PABPC4L: variants seen among roughly 807,000 people sequenced by gnomAD.
The protein encoded by PABPC4L is poly(A) binding protein cytoplasmic 4 like.
For missense variants in PABPC4L, 452 were observed against 451.4 expected (o/e 1.00, Z -0.01); for synonymous variants, 169 against 164.1 (o/e 1.03, Z -0.23).
the PABPC4L span, among the ~76,000 whole-genome samples, chr4:134,051,723 T>A: frequency 6.6e-6 from 1 of 152,122 alleles, no homozygotes. Flanking sequence ...TTAGATTGAT[T>A]GCCACTATGC....
the PABPC4L span, among the ~76,000 whole-genome samples, chr4:134,171,467 G>T: frequency 6.6e-6 from 1 of 152,010 alleles, no homozygotes; most frequent in Non-Finnish European, 1.5e-5. Flanking sequence ...CTTTTAAATG[G>T]GGCTGTTTTT....
chr4:134,068,955 C>A, the PABPC4L span, among the ~76,000 whole-genome samples: 4 of 152,112 alleles, frequency 2.6e-5, no homozygotes, highest in African/African-American at 4.8e-5. Context: ...GGTGATCCAA[C>A]CACCTGGGAC....
At chr4:134,087,243 T>C in the PABPC4L span, among the ~76,000 whole-genome samples, 2 of 152,012 alleles carry the variant, frequency 1.3e-5, no homozygotes, top group Admixed American at 1.3e-4. Context: ...TGGAATACTA[T>C]GCAGCCATAA....
chr4:134,139,033 T>G, the PABPC4L span, among the ~76,000 whole-genome samples: 3 of 151,890 alleles, frequency 2.0e-5, no homozygotes, highest in Non-Finnish European at 2.9e-5. Context: ...CATTAAATCC[T>G]AAAAAAGTCC....
the PABPC4L span, among the ~76,000 whole-genome samples, chr4:133,975,534 T>A: frequency 6.6e-6 from 1 of 152,138 alleles, no homozygotes; most frequent in Admixed American, 6.6e-5. Context: ...TAAATGACTC[T>A]CTAATTTTTA....
In PABPC4L at chr4:134,201,226, C is replaced by T; in HGVS notation, c.-207G>A. 3 of 1,539,180 alleles carry T rather than the reference C, an allele frequency of 1.9e-6. No individual in the cohort carries two copies. Among genetic ancestry groups the T allele is most frequent in the Non-Finnish European group, 2.6e-6 (3 of 1,140,760 alleles). ...TCCCCACAGCCACCAATCTGGCCCT[C>T]CTAGGACGCGGCAACAGAACTGTGA... is the stretch of plus-strand genomic sequence containing the variant. On this transcript the variant is annotated 5_prime_UTR_variant, in exon 2 of 2. Transcript: ENST00000421491.
the PABPC4L span, among the ~76,000 whole-genome samples, chr4:134,075,869 T>C: frequency 3.3e-5 from 5 of 152,158 alleles, no homozygotes; most frequent in African/African-American, 1.2e-4. Context: ...CATGTATCCA[T>C]TGATTCCAAA....
chr4:133,970,015 T>C, the PABPC4L span, among the ~76,000 whole-genome samples: 1 of 149,318 alleles, frequency 6.7e-6, no homozygotes, highest in Admixed American at 6.7e-5. Flanking sequence ...ACTTTCTTGT[T>C]AAATCAAAGA....
chr4:133,998,558 AC>A, the PABPC4L span, among the ~76,000 whole-genome samples: 9 of 152,096 alleles, frequency 5.9e-5, no homozygotes, highest in South Asian at 2.1e-4. Flanking sequence ...AATATTATAA[AC>A]CCATTACCCT....
At chr4:134,055,325 C>G in the PABPC4L span, among the ~76,000 whole-genome samples, 2 of 151,832 alleles carry the variant, frequency 1.3e-5, no homozygotes, top group African/African-American at 4.8e-5. Flanking sequence ...AGGCCTTGGT[C>G]TGGTAGGACT....
At chr4:134,025,304 TCAA>T in the PABPC4L span, among the ~76,000 whole-genome samples, 1 of 65,188 alleles carries the variant, frequency 1.5e-5, no homozygotes, top group Admixed American at 2.4e-4. Context: ...AGAATTCATC[TCAA>T]AAAAAAAAAA....
At position 134,199,101 on chromosome 4, in the gene PABPC4L, T is replaced by C. The variant is rs183488621; in HGVS notation, c.*806A>G. On this transcript the variant is annotated 3_prime_UTR_variant, in exon 2 of 2. Transcript: ENST00000421491. ...AAATTTAAGATAATATATTAAGCCA[T>C]ATAGGTATGAAGAGATTTAAGACCA... 1.1e-4 allele frequency: 16 copies of C among 152,176 alleles called. No individual in the cohort carries two copies. The highest frequency in any genetic ancestry group is 4.6e-4 in the Admixed American group (7 of 15,294). The allele number at this position is 152,176 out of a possible 1,614,324, so 9.4% of individuals were successfully genotyped here. A position where few individuals can be genotyped will look rare whatever the true frequency, so the allele number is the denominator to read the frequency against.
At chr4:134,099,509 C>A in the PABPC4L span, among the ~76,000 whole-genome samples, 1 of 151,634 alleles carries the variant, frequency 6.6e-6, no homozygotes, top group Non-Finnish European at 1.5e-5. Context: ...TGCTAGAATT[C>A]CAGATGATAC....
At chr4:134,067,413 C>T in the PABPC4L span, among the ~76,000 whole-genome samples, 1 of 151,948 alleles carries the variant, frequency 6.6e-6, no homozygotes, top group Non-Finnish European at 1.5e-5. Flanking sequence ...TTTGGATCTT[C>T]TTTCTTTTTT....
chr4:133,955,134 A>T, the PABPC4L span, among the ~76,000 whole-genome samples: 3 of 152,180 alleles, frequency 2.0e-5, no homozygotes, highest in Non-Finnish European at 4.4e-5. Flanking sequence ...AAAGGGAAAG[A>T]TAAACAGGCT....
At chr4:134,088,320 G>C in the PABPC4L span, among the ~76,000 whole-genome samples, 1 of 152,020 alleles carries the variant, frequency 6.6e-6, no homozygotes, top group Non-Finnish European at 1.5e-5. Flanking sequence ...CAAGGGAATG[G>C]TTCAAAAGCA....
chr4:134,148,710 T>A, the PABPC4L span, among the ~76,000 whole-genome samples: 1 of 152,098 alleles, frequency 6.6e-6, no homozygotes, highest in African/African-American at 2.4e-5. Flanking sequence ...CTACCCTCAT[T>A]GCACAGCAAC....
the PABPC4L span, among the ~76,000 whole-genome samples, chr4:134,058,918 A>G: frequency 2.0e-5 from 3 of 152,044 alleles, no homozygotes; most frequent in African/African-American, 7.2e-5. Context: ...TAACTGATTT[A>G]GACGAGCAGT....
the PABPC4L span, among the ~76,000 whole-genome samples, chr4:134,176,226 T>C: frequency 6.6e-6 from 1 of 152,096 alleles, no homozygotes; most frequent in Non-Finnish European, 1.5e-5. Flanking sequence ...CATGATATAA[T>C]TAATAGAAAA....
Sources: allele counts gnomAD v4.1 joint callset (sites outside exome capture counted in the v4.1 genomes callset), GRCh38; gene constraint gnomAD v4.1.1; transcripts MANE v1.5; gene names NCBI Gene and HGNC (gene_info 2026-07-23, HGNC 2026-07-21).